The following NHERF2 variants were observed in gnomAD, a reference collection of about 807,000 sequenced individuals.
The protein encoded by NHERF2 is Na(+)/H(+) exchange regulatory cofactor NHE-RF2.
chr16:2,028,375 TG>T, the NHERF2 span, among the ~76,000 whole-genome samples: 1 of 152,196 alleles, frequency 6.6e-6, no homozygotes, highest in South Asian at 2.1e-4. Flanking sequence ...CTGCCAGGGC[TG>T]GGGCCAGGCT....
the NHERF2 span, chr16:2,027,193 A>C: frequency 6.9e-6 from 10 of 1,442,076 alleles, no homozygotes; most frequent in Non-Finnish European, 9.1e-6. Flanking sequence ...AACGGCGTCA[A>C]CGTGGAGGGC....
the NHERF2 span, chr16:2,035,246 CG>C: frequency 8.7e-6 from 2 of 230,320 alleles, no homozygotes; most frequent in Non-Finnish European, 1.4e-5. Context: ...CTTGGCGGGG[CG>C]GTCCCCCCCG....
At chr16:2,029,305 C>T in the NHERF2 span, among the ~76,000 whole-genome samples, 2 of 151,876 alleles carry the variant, frequency 1.3e-5, no homozygotes, top group Non-Finnish European at 2.9e-5. Context: ...CCCTTCCCAG[C>T]CCCGCCTGGA....
At chr16:2,032,351 A>G in the NHERF2 span, among the ~76,000 whole-genome samples, 1 of 152,332 alleles carries the variant, frequency 6.6e-6, no homozygotes, top group Non-Finnish European at 1.5e-5. The surrounding 1 kb of genome is among the most constrained non-coding windows in gnomAD (Gnocchi z 4.0). Context: ...CTGAGCTCCC[A>G]GCATGGGCAG....
the NHERF2 span, chr16:2,038,100 G>A: frequency 7.5e-7 from 1 of 1,328,806 alleles, no homozygotes; most frequent in Non-Finnish European, 1.0e-6. Context: ...CCATTGCCCA[G>A]AAATCAGCCC....
At chr16:2,036,337 C>A in the NHERF2 span, 1 of 1,609,040 alleles carries the variant, frequency 6.2e-7, no homozygotes. Flanking sequence ...GTCAGTGGGC[C>A]CCTGAGGGAG....
the NHERF2 span, chr16:2,029,912 T>G: frequency 1.3e-6 from 1 of 759,552 alleles, no homozygotes; most frequent in Non-Finnish European, 2.1e-6. Context: ...GCTCCTTTTC[T>G]GCCCCAGGGA....
chr16:2,038,586 CT>C, the NHERF2 span: 1 of 321,292 alleles, frequency 3.1e-6, no homozygotes. Context: ...TCGTGGGGAC[CT>C]TGGGTAAGGC....
the NHERF2 span, chr16:2,029,568 C>T: frequency 1.3e-6 from 2 of 1,558,912 alleles, no homozygotes; most frequent in Non-Finnish European, 1.7e-6. Flanking sequence ...GCTCCTATCG[C>T]CCATTCGCCC....
chr16:2,036,270 C>T, the NHERF2 span: 1 of 1,524,748 alleles, frequency 6.6e-7, no homozygotes, highest in Middle Eastern at 1.7e-4. Flanking sequence ...GGGGAGTGGC[C>T]TCTGGAGGCG....
the NHERF2 span, chr16:2,029,903 C>A: frequency 1.2e-6 from 1 of 833,634 alleles, no homozygotes; most frequent in Non-Finnish European, 1.9e-6. Flanking sequence ...CCTTTTGGGG[C>A]TCCTTTTCTG....
the NHERF2 span, among the ~76,000 whole-genome samples, chr16:2,028,712 C>T: frequency 3.3e-5 from 5 of 152,092 alleles, no homozygotes; most frequent in African/African-American, 7.2e-5. Context: ...CTGCTGAGCC[C>T]GGCAGCTGGT....
chr16:2,032,321 A>G, the NHERF2 span, among the ~76,000 whole-genome samples: 2 of 152,216 alleles, frequency 1.3e-5, no homozygotes, highest in African/African-American at 4.8e-5. The surrounding 1 kb of genome is among the most constrained non-coding windows in gnomAD (Gnocchi z 4.0). Flanking sequence ...CGCCTGGCTC[A>G]GGACCTGAGG....
At chr16:2,035,360 G>A in the NHERF2 span, 20 of 952,324 alleles carry the variant, frequency 2.1e-5, no homozygotes, top group African/African-American at 5.3e-4. Context: ...CCCTCCTGAG[G>A]TCTGAGCGCC....
the NHERF2 span, among the ~76,000 whole-genome samples, chr16:2,037,165 C>G: frequency 1.3e-5 from 2 of 152,324 alleles, no homozygotes; most frequent in African/African-American, 4.8e-5. Context: ...CTGGGTCGTG[C>G]CACACACAAG....
At chr16:2,036,693 C>T in the NHERF2 span, 9 of 1,606,346 alleles carry the variant, frequency 5.6e-6, no homozygotes, top group Non-Finnish European at 7.6e-6. Context: ...GCTGTCTGGG[C>T]CCATGGCGGG....
At chr16:2,026,951 G>GC in the NHERF2 span, 7 of 758,922 alleles carry the variant, frequency 9.2e-6, no homozygotes, top group East Asian at 7.7e-4. Flanking sequence ...CGCCGCCGCC[G>GC]CCCCCGAGCT....
chr16:2,036,389 C>A, the NHERF2 span: 2 of 1,610,356 alleles, frequency 1.2e-6, no homozygotes, highest in Non-Finnish European at 1.7e-6. Flanking sequence ...GACCTCAGGG[C>A]TATGGGTTCA....
chr16:2,037,005 G>C, the NHERF2 span: 1 of 1,549,736 alleles, frequency 6.5e-7, no homozygotes, highest in Non-Finnish European at 8.7e-7. Context: ...CCAGGTAAGA[G>C]GGTGGGGTGC....
Sources: gnomAD v4.1 joint callset for allele counts (sites outside exome capture counted in the v4.1 genomes callset) on GRCh38, gnomAD v4.1.1 for gene constraint, Gnocchi (gnomAD v3.1) non-coding constraint, MANE v1.5 for transcripts, NCBI Gene and HGNC (gene_info 2026-07-23, HGNC 2026-07-21) for gene names.